FSTL5: variants seen among roughly 807,000 people sequenced by gnomAD.
FSTL5 encodes follistatin like 5.
FSTL5 carries 62 observed loss-of-function variants against 89.1 expected under a neutral mutation model. The ratio of observed to expected loss-of-function variants is 0.70; its 90% CI spans 0.57 to 0.86. FSTL5 has a LOEUF of 0.86. FSTL5 is among the 40% of genes least tolerant of loss of function. The probability of loss-of-function intolerance (pLI) is 0.00; values close to 1 mark genes in which losing one functional copy is unlikely to be tolerated. For synonymous variants in FSTL5, 383 were observed against 346.2 expected, an observed-to-expected ratio of 1.11 and a Z score of -1.18; for missense variants, 1,057 against 1,001.6, an observed-to-expected ratio of 1.06 and a Z score of -0.75.
intron 2 of FSTL5, among the ~76,000 whole-genome samples, chr4:162,053,234 A>AT (rs1738439405): frequency 6.6e-6 from 1 of 151,784 alleles, no homozygotes; most frequent in Non-Finnish European, 1.5e-5. Context: ...AAGGAAAAAT[A>AT]CTTTCCTGAG....
At chr4:162,067,677 A>T (rs1362988675) in intron 2 of FSTL5, among the ~76,000 whole-genome samples, 1 of 152,034 alleles carries the variant, frequency 6.6e-6, no homozygotes, top group Non-Finnish European at 1.5e-5. Flanking sequence ...CCACTCCAAC[A>T]TAATATTGGA....
intron 6 of FSTL5, among the ~76,000 whole-genome samples, chr4:161,756,535 A>C (rs2126786930): frequency 6.6e-6 from 1 of 152,178 alleles, no homozygotes; most frequent in African/African-American, 2.4e-5. Flanking sequence ...GTTTTACTAT[A>C]TCTTTATTAA....
At chr4:161,976,509 T>A (rs905840328) in intron 3 of FSTL5, among the ~76,000 whole-genome samples, 1 of 152,060 alleles carries the variant, frequency 6.6e-6, no homozygotes, top group African/African-American at 2.4e-5. Context: ...TGAGTCGGAG[T>A]CTTGCTCTGT....
chr4:162,147,765 C>T (rs913095852), intron 1 of FSTL5, among the ~76,000 whole-genome samples: 2 of 152,106 alleles, frequency 1.3e-5, no homozygotes, highest in African/African-American at 2.4e-5. Context: ...GTAATCACAG[C>T]GCTTTGGGTG....
chr4:161,825,861 G>A (rs1180128587), intron 4 of FSTL5, among the ~76,000 whole-genome samples: 2 of 151,420 alleles, frequency 1.3e-5, no homozygotes, highest in Non-Finnish European at 3.0e-5. Flanking sequence ...TTTATCTTTT[G>A]TATTTTTTTA....
chr4:161,489,083 A>C (rs1729779558), intron 12 of FSTL5, among the ~76,000 whole-genome samples: 1 of 152,130 alleles, frequency 6.6e-6, no homozygotes, highest in Non-Finnish European at 1.5e-5. Context: ...GTGGTTTTTA[A>C]AAATATTGAA....
chr4:161,540,259 C>G (rs1731774914), intron 9 of FSTL5, among the ~76,000 whole-genome samples: 2 of 152,092 alleles, frequency 1.3e-5, no homozygotes, highest in Admixed American at 6.6e-5. Flanking sequence ...TTATAATTTT[C>G]AGATTCACAG....
chr4:161,781,106 TC>T (rs1375858095), intron 4 of FSTL5, among the ~76,000 whole-genome samples: 6 of 152,090 alleles, frequency 3.9e-5, no homozygotes, highest in Non-Finnish European at 7.4e-5. Flanking sequence ...AAACTGTTTT[TC>T]CTCAAATTAC....
At chr4:162,078,542 GAA>G (rs1308991557) in intron 2 of FSTL5, among the ~76,000 whole-genome samples, 1 of 151,806 alleles carries the variant, frequency 6.6e-6, no homozygotes, top group Non-Finnish European at 1.5e-5. Flanking sequence ...GAAACAGAGA[GAA>G]GTGGTAGAAG....
chr4:161,526,837 T>G lies in FSTL5; in HGVS notation c.1312+11329A>C, dbSNP rs547723961. Among the ~76,000 whole-genome samples the G allele has an allele frequency of 2.2e-3, 332 of 152,302 alleles. 4 individuals are homozygous for G. Among genetic ancestry groups the G allele is most frequent in the African/African-American group, 7.5e-3 (312 of 41,566 alleles). The stretch of plus-strand genomic sequence containing the variant: ...GTTTTGGTACCAGTACCATGCTGTT[T>G]TGGTTACTGTAGCCTTGTAGTATAG... On this transcript the variant is annotated intron_variant, in intron 10 of 15. Transcript: ENST00000306100.
intron 1 of FSTL5, among the ~76,000 whole-genome samples, chr4:162,113,682 T>G (rs1023699031): frequency 3.3e-5 from 5 of 152,314 alleles, no homozygotes; most frequent in Admixed American, 3.3e-4. Flanking sequence ...TTATTTTGCC[T>G]GTCTCTGCTA....
At chr4:161,660,969 T>A (rs562191760) in intron 6 of FSTL5, among the ~76,000 whole-genome samples, 14 of 152,252 alleles carry the variant, frequency 9.2e-5, no homozygotes, top group African/African-American at 3.4e-4. Context: ...AATAGGATAA[T>A]TAATATTGTA....
chr4:161,629,637 G>A (rs1165708853), intron 7 of FSTL5, among the ~76,000 whole-genome samples: 1 of 152,094 alleles, frequency 6.6e-6, no homozygotes, highest in Non-Finnish European at 1.5e-5. Context: ...GAGCCACCGC[G>A]CCCGGCCCAT....
chr4:162,070,805 A>C (rs551346326), intron 2 of FSTL5, among the ~76,000 whole-genome samples: 1 of 151,946 alleles, frequency 6.6e-6, no homozygotes, highest in East Asian at 1.9e-4. Context: ...ATACCCATCA[A>C]GGCTATCCAT....
intron 4 of FSTL5, among the ~76,000 whole-genome samples, chr4:161,871,057 C>A (rs1469056373): frequency 6.6e-6 from 1 of 151,986 alleles, no homozygotes; most frequent in African/African-American, 2.4e-5. Context: ...TTTTCCAGGT[C>A]AAGAACAATT....
intron 4 of FSTL5, among the ~76,000 whole-genome samples, chr4:161,881,939 C>T (rs1325120748): frequency 6.6e-6 from 1 of 152,028 alleles, no homozygotes; most frequent in Admixed American, 6.6e-5. Flanking sequence ...TATTTATTAA[C>T]CATGTCAGCA....
chr4:162,102,769 T>C (rs1470796958), intron 2 of FSTL5, among the ~76,000 whole-genome samples: 1 of 146,912 alleles, frequency 6.8e-6, no homozygotes, highest in Non-Finnish European at 1.5e-5. Context: ...GTATAACATA[T>C]TTATATATAT....
intron 5 of FSTL5, among the ~76,000 whole-genome samples, chr4:161,762,517 T>A (rs1243946403): frequency 6.6e-6 from 1 of 152,204 alleles, no homozygotes; most frequent in Non-Finnish European, 1.5e-5. Flanking sequence ...TCACTAAATA[T>A]ATTTGAATAT....
At chr4:162,146,587 T>G (rs955720539) in intron 1 of FSTL5, among the ~76,000 whole-genome samples, 25 of 151,990 alleles carry the variant, frequency 1.6e-4, no homozygotes, top group African/African-American at 5.8e-4. Flanking sequence ...TTGTCACAAC[T>G]AATAAACCAA....
Sources: allele counts gnomAD v4.1 joint callset (sites outside exome capture counted in the v4.1 genomes callset), GRCh38; gene constraint gnomAD v4.1.1; transcripts MANE v1.5; gene names NCBI Gene and HGNC (gene_info 2026-07-23, HGNC 2026-07-21).